Variants in TUBGCP6 observed in about 807,000 individuals in gnomAD.
TUBGCP6 encodes the protein tubulin gamma complex component 6.
A neutral mutation model predicts 175.8 loss-of-function variants in TUBGCP6; 161 were observed. The observed-to-expected ratio is 0.92, with a 90% CI of 0.81 to 1.04. TUBGCP6 has a LOEUF of 1.04. TUBGCP6 is among the 50% of genes least tolerant of loss of function. TUBGCP6 has a pLI of 0.00. For synonymous variants in TUBGCP6, 1,173 were observed against 1,030.5 expected (o/e 1.14, Z -2.65); for missense variants, 2,572 against 2,433.0 (o/e 1.06, Z -1.20).
At chr22:50,226,450 G>A in intron 7 of TUBGCP6, 72 bp from the exon 8 acceptor site, 2 of 1,404,740 alleles carry the variant, frequency 1.4e-6, no homozygotes, top group Non-Finnish European at 9.9e-7. Flanking sequence ...TCAGTGAGGG[G>A]TGGGACAGGG....
rs1162500699 is a variant in TUBGCP6, at chr22:50,221,571, G to A, written c.2788C>T (p.Pro930Ser). The change falls in exon 16 of 25, where the codon CCC becomes TCC. Residue 930 changes from proline to serine, a missense_variant. Coordinates refer to ENST00000248846, the MANE Select transcript of TUBGCP6 (RefSeq NM_020461.4). ...VALQTINLDL[P>S]PSAPGEAPAA... ...GGTGCCTCCCCAGGAGCTGAGGGGG[G>A]CAGGTCCAAGTTAATGGTCTGCAGC... The A allele has an allele frequency of 3.8e-6, 6 of 1,586,052 alleles. No individual in the cohort carries two copies. Among genetic ancestry groups the A allele is most frequent in the East Asian group, 2.3e-5 (1 of 44,420 alleles).
Position 50,244,728 on chromosome 22 carries a change from G to A in TUBGCP6, c.-269C>T, listed in dbSNP as rs575453672. On this transcript the variant is annotated 5_prime_UTR_variant, in exon 1 of 25. Coordinates refer to ENST00000248846, the MANE Select transcript of TUBGCP6 (RefSeq NM_020461.4). ...CCAGCTCGGCGTTTCTTCTAATTCA[G>A]TAGCCCTCAACCTTTAGGGAGTCAC... 7 of 499,214 alleles carry A rather than the reference G, an allele frequency of 1.4e-5. No homozygotes were observed. The highest frequency in any genetic ancestry group is 1.3e-4 in the African/African-American group (7 of 51,868). 30.9% of individuals were successfully genotyped at this position (499,214 alleles called of 1,614,324 possible).
rs967859778 is a variant in TUBGCP6, at chr22:50,220,292, C to T, written c.4067G>A (p.Trp1356Ter). 1 of 1,575,390 alleles carries T rather than the reference C, an allele frequency of 6.3e-7. No individual in the cohort carries two copies. The highest frequency in any genetic ancestry group is 1.8e-5 in the Admixed American group (1 of 56,818). ...ACTGTCTCCCGGGGTGTTGGGCCAC[C>T]ATGGTTGGGTGGGAGCCACGTCTGA... is the stretch of plus-strand genomic sequence containing the variant. ...NVSDVAPTQP[W>*]WPNTPGDSVS... is the part of the protein sequence containing the mutation. The change falls in exon 16 of 25, where the codon TGG (tryptophan) becomes TAG (stop). Residue 1356 changes from tryptophan to a stop codon, truncating the protein, a stop_gained. Transcript: ENST00000248846. LOFTEE classifies it high-confidence loss of function.
In TUBGCP6 at chr22:50,236,160, G is replaced by A. The variant is rs142960073; in HGVS notation, c.906-2634C>T. Among the ~76,000 whole-genome samples the A allele has an allele frequency of 8.4e-3, 1,279 of 151,952 alleles. 20 individuals carry two copies. Among genetic ancestry groups the A allele is most frequent in the African/African-American group, 0.029 (1,207 of 41,426 alleles). On this transcript the variant is annotated intron_variant, in intron 2 of 24. Coordinates refer to ENST00000248846, the MANE Select transcript of TUBGCP6 (RefSeq NM_020461.4). ...ATTCACAATTTTTTTTTTTGAGACG[G>A]AGTCTCGCTCTGTCACCCAGGCTGG...
At chr22:50,222,225 T>C in intron 14 of TUBGCP6, 123 bp from the exon 15 acceptor site, 1 of 1,190,454 alleles carries the variant, frequency 8.4e-7, no homozygotes, top group Non-Finnish European at 1.2e-6. Flanking sequence ...AGGCTTGTGC[T>C]GGGCTCCAGT....
rs1269715565 is a variant in TUBGCP6 at position 50,244,152 on chromosome 22, G to A, written c.308C>T (p.Pro103Leu). ...CAAAACAGACCCCACCTCCAAAAGCGGACAGCAAGGGGCTGCTTCCAGCTC... is the reference window on the plus strand; with the variant it reads ...CAAAACAGACCCCACCTCCAAAAGCAGACAGCAAGGGGCTGCTTCCAGCTC... ...VEELEAAPCC[P>L]LLEVGSVLDL... Residue 103 changes from proline (P) to leucine (L), a missense_variant, in exon 1 of 25, where the codon CCG becomes CTG. Physicochemically the swap from Pro to Leu is moderately conservative, Grantham distance 98. Transcript: ENST00000248846. 3 of 1,613,324 alleles carry A rather than the reference G, an allele frequency of 1.9e-6. No individual in the cohort carries two copies. Among genetic ancestry groups the A allele is most frequent in the Non-Finnish European group, 2.5e-6 (3 of 1,180,050 alleles).
At chr22:50,232,994 AGCG>A (rs2064713621) in intron 3 of TUBGCP6, among the ~76,000 whole-genome samples, 1 of 152,216 alleles carries the variant, frequency 6.6e-6, no homozygotes, top group South Asian at 2.1e-4. Flanking sequence ...GCTCCTCCCG[AGCG>A]GTGGGAAGGC....
At chr22:50,232,602 T>C (rs1276640901) in intron 3 of TUBGCP6, among the ~76,000 whole-genome samples, 1 of 151,580 alleles carries the variant, frequency 6.6e-6, no homozygotes, top group Non-Finnish European at 1.5e-5. Context: ...AATAAGGCTA[T>C]CCCCACAACA....
chr22:50,243,309 G>C (rs532146816), intron 1 of TUBGCP6, among the ~76,000 whole-genome samples: 1 of 152,100 alleles, frequency 6.6e-6, no homozygotes, highest in Non-Finnish European at 1.5e-5. Context: ...TTAGCTGGGC[G>C]TGGTGGCATG....
At chr22:50,237,728 C>G (rs977308700) in intron 2 of TUBGCP6, among the ~76,000 whole-genome samples, 6 of 152,234 alleles carry the variant, frequency 3.9e-5, no homozygotes, top group Non-Finnish European at 7.3e-5. Flanking sequence ...TGCGGGAGCT[C>G]CGCAGTCTCC....
At chr22:50,236,270 G>C (rs892120157) in intron 2 of TUBGCP6, among the ~76,000 whole-genome samples, 1 of 152,040 alleles carries the variant, frequency 6.6e-6, no homozygotes, top group African/African-American at 2.4e-5. Flanking sequence ...CGAGTAGCTG[G>C]GACTACAGGC....
chr22:50,226,776 C>T lies in TUBGCP6; in HGVS notation c.1558G>A (p.Val520Ile). 11 of 1,594,442 alleles carry T rather than the reference C, an allele frequency of 6.9e-6. No individual in the cohort carries two copies. The highest frequency in any genetic ancestry group is 9.4e-6 in the Non-Finnish European group (11 of 1,171,450). The stretch of plus-strand genomic sequence containing the variant: ...CTGGTCTTCAGCAGGGACAGCAGTA[C>T]AGGGTAGTGCTCGTTGCTGCAGTTG... The part of the protein sequence containing the change: ...LHNCSNEHYP[V>I]LLSLLKTSCE... Residue 520 changes from valine (V) to isoleucine (I), a missense_variant, in exon 7 of 25, where the codon GTA (valine) becomes ATA (isoleucine). Val to Ile is a conservative substitution (Grantham distance 29). Coordinates refer to ENST00000248846, the MANE Select transcript of TUBGCP6 (RefSeq NM_020461.4).
At chr22:50,228,072 C>A in intron 4 of TUBGCP6, 44 bp from the exon 5 acceptor site, 2 of 1,493,864 alleles carry the variant, frequency 1.3e-6, no homozygotes, top group Non-Finnish European at 1.8e-6. Flanking sequence ...GGCACATGGA[C>A]GCAGCCGTGC....
In TUBGCP6 at chr22:50,221,205, T is replaced by C. The variant is rs1051587655; in HGVS notation, c.3154A>G (p.Thr1052Ala). 1.4e-5 allele frequency: 23 copies of C among 1,613,310 alleles called. No homozygotes were observed. In the African/African-American group the frequency reaches 2.9e-4, roughly 21 times the overall value. The change falls in exon 16 of 25, where the codon ACC becomes GCC. Residue 1052 changes from threonine (T) to alanine (A), a missense_variant. Coordinates refer to ENST00000248846, the MANE Select transcript of TUBGCP6 (RefSeq NM_020461.4). ...CTGGCGTCAGACACGTGCCCGTGGG[T>C]GTTCCACCGTGGCCGGGTGGGAGCT... ...EIAPTRPRWN[T>A]HGHVSDASIR...
At chr22:50,219,856 CA>C in intron 17 of TUBGCP6, 65 bp from the exon 18 acceptor site, 3 of 1,602,314 alleles carry the variant, frequency 1.9e-6, no homozygotes, top group Non-Finnish European at 2.6e-6. Context: ...CAGCTTGTGC[CA>C]AAAAAAGGAA....
intron 16 of TUBGCP6, 23 bp downstream of exon 16, chr22:50,220,228 A>G: frequency 6.5e-7 from 1 of 1,542,888 alleles, no homozygotes; most frequent in South Asian, 1.2e-5. Context: ...CCCACTCCTG[A>G]CCACCAGCCA....
Position 50,221,474 on chromosome 22 carries a change from G to C in TUBGCP6, c.2885C>G (p.Ala962Gly). The C allele has an allele frequency of 6.3e-7, 1 of 1,589,958 alleles. No homozygotes were observed. The highest frequency in any genetic ancestry group is 8.5e-7 in the Non-Finnish European group (1 of 1,170,076). ...CAGGGGCCCTGGTGCAGGTGAGGTG[G>C]CCACAGCTGGCCTCAGGACAGTACT... The part of the protein sequence containing the change: ...DFSTVLRPAV[A>G]TSPAPGPLQA... The change falls in exon 16 of 25, where the codon GCC (alanine) becomes GGC (glycine). Residue 962 changes from alanine to glycine, a missense_variant. Coordinates refer to ENST00000248846, the MANE Select transcript of TUBGCP6 (RefSeq NM_020461.4).
At chr22:50,229,338 C>A (rs546728072) in intron 4 of TUBGCP6, 66 bp downstream of exon 4, 1 of 1,552,552 alleles carries the variant, frequency 6.4e-7, no homozygotes, top group South Asian at 1.2e-5. Flanking sequence ...CTCTGAGATT[C>A]TCTCTTCCAG....
chr22:50,234,771 G>A lies in TUBGCP6; in HGVS notation c.906-1245C>T, dbSNP rs1175849384. Among the ~76,000 whole-genome samples, 13 of 108,704 alleles carry A rather than the reference G, an allele frequency of 1.2e-4. No homozygotes were observed. The East Asian group carries it at 1.4e-3, about 12-fold the overall frequency. The allele number at this position is 108,704 out of a possible 152,430, so 71.3% of individuals were successfully genotyped here. On this transcript the variant is annotated intron_variant, in intron 2 of 24. Transcript: ENST00000248846. Reference sequence around the variant, plus strand: ...CCATGGTACCAGCACCCACACCCCCGTCCACAGCAGCATCCACATCCAGGT... The same window carrying A: ...CCATGGTACCAGCACCCACACCCCCATCCACAGCAGCATCCACATCCAGGT...
Sources: gnomAD v4.1 joint callset for allele counts (sites outside exome capture counted in the v4.1 genomes callset) on GRCh38, gnomAD v4.1.1 for gene constraint, MANE v1.5 for transcripts, NCBI Gene and HGNC (gene_info 2026-07-23, HGNC 2026-07-21) for gene names.